ZBTB20: variants seen among roughly 807,000 people sequenced by gnomAD.
The protein encoded by ZBTB20 is zinc finger and BTB domain-containing protein 20.
Under a neutral mutation model 56.9 loss-of-function variants are expected in ZBTB20, and 9 were observed. That is an observed-to-expected ratio of 0.16 (90% confidence interval 0.10 to 0.28). ZBTB20 has a LOEUF of 0.28. Ranked by LOEUF, ZBTB20 falls within the 10% of genes least tolerant of loss-of-function variation. The probability of loss-of-function intolerance (pLI) is 1.00; values close to 1 mark genes in which losing one functional copy is unlikely to be tolerated. For synonymous variants in ZBTB20, 417 were observed against 420.7 expected (o/e 0.99, Z 0.11); for missense variants, 655 against 1,003.0 (o/e 0.65, Z 4.69).
intron 7 of ZBTB20, among the ~76,000 whole-genome samples, chr3:114,482,219 A>G (rs530042748): frequency 3.3e-4 from 50 of 152,074 alleles, no homozygotes; most frequent in Admixed American, 2.7e-3. Flanking sequence ...TGGGACAAGG[A>G]AGACACATCA....
At chr3:115,128,595 C>T (rs1050540423) in intron 1 of ZBTB20, among the ~76,000 whole-genome samples, 1 of 150,764 alleles carries the variant, frequency 6.6e-6, no homozygotes, top group Non-Finnish European at 1.5e-5. Context: ...ACCCAGGAGG[C>T]GGAGGTTGCA....
intron 5 of ZBTB20, among the ~76,000 whole-genome samples, chr3:114,697,844 C>G (rs1248838693): frequency 6.6e-6 from 1 of 152,070 alleles, no homozygotes; most frequent in African/African-American, 2.4e-5. Flanking sequence ...GTTCTAATGA[C>G]TGGAATAGGT....
chr3:114,411,489 C>T (rs1264867602), intron 7 of ZBTB20, among the ~76,000 whole-genome samples: 3 of 152,146 alleles, frequency 2.0e-5, no homozygotes, highest in East Asian at 1.9e-4. Flanking sequence ...CCACCACATC[C>T]GGTCTAGTTA....
chr3:114,637,268 C>T (rs1400797756), intron 6 of ZBTB20, among the ~76,000 whole-genome samples: 1 of 151,976 alleles, frequency 6.6e-6, no homozygotes, highest in African/African-American at 2.4e-5. Context: ...TTTTCCAAAG[C>T]TTTCCTGGAG....
chr3:114,359,002 C>A (rs957806177), intron 10 of ZBTB20, among the ~76,000 whole-genome samples: 5 of 152,086 alleles, frequency 3.3e-5, no homozygotes, highest in African/African-American at 1.2e-4. Flanking sequence ...CTATGTAGGA[C>A]CTCATGGTAT....
rs2079269934 is a variant in ZBTB20, at chr3:114,331,873, G to GA, written c.*7131_*7132insT. On this transcript the variant is annotated 3_prime_UTR_variant, in exon 12 of 12. Coordinates refer to ENST00000675478, the MANE Select transcript of ZBTB20 (RefSeq NM_001348800.3). Reference sequence around the variant, plus strand: ...GAATGTGAAACAGTTTTGTGCTGAGGGAAGCTCACACTGTGTGTGCACATG... The same window carrying GA: ...GAATGTGAAACAGTTTTGTGCTGAGGAGAAGCTCACACTGTGTGTGCACATG... 1 of 152,044 alleles carries GA rather than the reference G, an allele frequency of 6.6e-6. No individual in the cohort carries two copies. Among genetic ancestry groups the GA allele is most frequent in the African/African-American group, 2.4e-5 (1 of 41,388 alleles). The allele number at this position is 152,044 out of a possible 1,614,324, so 9.4% of individuals were successfully genotyped here. A position where few individuals can be genotyped will look rare whatever the true frequency, so the allele number is the denominator to read the frequency against.
At position 114,940,905 on chromosome 3, in the gene ZBTB20, G is replaced by A. The variant is rs187820516; in HGVS notation, c.-456+33461C>T. 2.3e-4 allele frequency among the ~76,000 whole-genome samples: 34 copies of A among 146,168 alleles called. 10 individuals are homozygous for A. Among genetic ancestry groups the A allele is most frequent in the African/African-American group, 9.4e-4 (34 of 35,994 alleles). On this transcript the variant is annotated intron_variant, in intron 3 of 11. Coordinates refer to ENST00000675478, the MANE Select transcript of ZBTB20 (RefSeq NM_001348800.3). ...TCTTAATAAGATGGAATCCTTTCCC[G>A]GTTTGTTAAATTCACTGAATTTATA...
chr3:114,634,556 C>A (rs899700324), intron 6 of ZBTB20, among the ~76,000 whole-genome samples: 1 of 152,154 alleles, frequency 6.6e-6, no homozygotes, highest in African/African-American at 2.4e-5. Context: ...ACCTCTCATT[C>A]TTCCACAGAA....
At chr3:114,584,935 G>C (rs2055025530) in intron 6 of ZBTB20, among the ~76,000 whole-genome samples, 3 of 152,126 alleles carry the variant, frequency 2.0e-5, no homozygotes, top group Admixed American at 2.0e-4. Flanking sequence ...GAGCAGCTCA[G>C]TTTTATGAAA....
chr3:114,823,579 T>C (rs1034482458), intron 4 of ZBTB20, among the ~76,000 whole-genome samples: 1 of 152,066 alleles, frequency 6.6e-6, no homozygotes, highest in Non-Finnish European at 1.5e-5. Context: ...TTTTAAAACT[T>C]ATGCTAAAGC....
chr3:114,757,287 A>G (rs903732430), intron 5 of ZBTB20, among the ~76,000 whole-genome samples: 1 of 152,210 alleles, frequency 6.6e-6, no homozygotes, highest in Non-Finnish European at 1.5e-5. Flanking sequence ...ATGTCACTCA[A>G]CTATACTTTG....
chr3:114,477,589 C>T (rs1019314796), intron 7 of ZBTB20, among the ~76,000 whole-genome samples: 4 of 148,534 alleles, frequency 2.7e-5, no homozygotes, highest in Non-Finnish European at 4.5e-5. Context: ...TCTGCCTCCT[C>T]GGTTCAAGCG....
At chr3:114,577,189 TA>T (rs1285637446) in intron 6 of ZBTB20, among the ~76,000 whole-genome samples, 1 of 152,072 alleles carries the variant, frequency 6.6e-6, no homozygotes, top group East Asian at 1.9e-4. Flanking sequence ...CCAGCACAAC[TA>T]AACATTCAAT....
chr3:115,116,464 A>ATGTATATTGAAGC (rs1426713752), intron 1 of ZBTB20, among the ~76,000 whole-genome samples: 3 of 152,036 alleles, frequency 2.0e-5, no homozygotes, highest in Non-Finnish European at 4.4e-5. Flanking sequence ...TTTATTGGAT[A>ATGTATATTGAAGC]TGTATATTGA....
chr3:115,104,005 G>A (rs1293442052), intron 1 of ZBTB20, among the ~76,000 whole-genome samples: 1 of 152,154 alleles, frequency 6.6e-6, no homozygotes, highest in Non-Finnish European at 1.5e-5. Context: ...TCAACAGTAA[G>A]AAAATATTAT....
At chr3:114,696,350 G>C (rs765215426) in intron 5 of ZBTB20, among the ~76,000 whole-genome samples, 2 of 152,006 alleles carry the variant, frequency 1.3e-5, no homozygotes, top group Non-Finnish European at 2.9e-5. Context: ...AGGAGATCAA[G>C]CGCTTCAATA....
At position 115,035,544 on chromosome 3, in the gene ZBTB20, A is replaced by AACACACACACACACAC. The variant is rs111286494; in HGVS notation, c.-507+35659_-507+35674dup. On this transcript the variant is annotated intron_variant, in intron 2 of 11. Coordinates refer to ENST00000675478, the MANE Select transcript of ZBTB20 (RefSeq NM_001348800.3). ...ACACCAATTAGAATTGCTACTATCA[A>AACACACACACACACAC]ACACACACACACACACACACACACA... is the stretch of plus-strand genomic sequence containing the variant. 2.2e-3 allele frequency among the ~76,000 whole-genome samples: 330 copies of AACACACACACACACAC among 147,952 alleles called. 3 individuals are homozygous for AACACACACACACACAC. Among genetic ancestry groups the AACACACACACACACAC allele is most frequent in the African/African-American group, 7.8e-3 (315 of 40,624 alleles).
intron 7 of ZBTB20, among the ~76,000 whole-genome samples, chr3:114,395,407 G>C (rs2086247762): frequency 6.6e-6 from 1 of 152,108 alleles, no homozygotes; most frequent in Non-Finnish European, 1.5e-5. Flanking sequence ...AAAAGAGGAG[G>C]TTGGTTTTAT....
chr3:114,583,539 T>C (rs1401528776), intron 6 of ZBTB20, among the ~76,000 whole-genome samples: 1 of 152,186 alleles, frequency 6.6e-6, no homozygotes, highest in African/African-American at 2.4e-5. Context: ...CCAAGAACGT[T>C]ACAGTATGAC....
Sources: allele counts gnomAD v4.1 joint callset (sites outside exome capture counted in the v4.1 genomes callset), GRCh38; gene constraint gnomAD v4.1.1; transcripts MANE v1.5; gene names NCBI Gene and HGNC (gene_info 2026-07-23, HGNC 2026-07-21).